The following ZNF37A variants were observed in gnomAD, a reference collection of about 807,000 sequenced individuals.
ZNF37A encodes the protein zinc finger protein 37A, also known as zinc finger protein 37a (KOX 21).
In ZNF37A, 10 loss-of-function variants were observed where a neutral mutation model predicts 12.3. The ratio of observed to expected loss-of-function variants is 0.82; its 90% CI spans 0.50 to 1.38. The LOEUF (loss-of-function observed/expected upper bound fraction) is 1.38. ZNF37A is among the 40% of genes most tolerant of loss of function. ZNF37A has a pLI of 0.00. For missense variants in ZNF37A, 580 were observed against 651.2 expected (o/e 0.89, Z 1.19); for synonymous variants, 207 against 223.0 (o/e 0.93, Z 0.64).
chr10:38,136,280 A>AT (rs2070106080), intron 7 of ZNF37A, among the ~76,000 whole-genome samples: 1 of 152,112 alleles, frequency 6.6e-6, no homozygotes, highest in Non-Finnish European at 1.5e-5. Flanking sequence ...AGTAGCTGGG[A>AT]TTATAGGCAC....
chr10:38,125,923 G>A (rs1339179816), downstream of ZNF37A, among the ~76,000 whole-genome samples: 2 of 152,140 alleles, frequency 1.3e-5, no homozygotes, highest in Non-Finnish European at 2.9e-5. Flanking sequence ...CATAGCAGAA[G>A]GCAAAACAGG....
In ZNF37A at chr10:38,117,621, A is replaced by G; in HGVS notation, c.470A>G (p.Glu157Gly). 2 of 1,613,902 alleles carry G rather than the reference A, an allele frequency of 1.2e-6. No homozygotes were observed. Among genetic ancestry groups the G allele is most frequent in the Non-Finnish European group, 1.7e-6 (2 of 1,179,948 alleles). ...AATGAATGTGGGAAAGCTTTCCCTG[A>G]GAATTCACTCTTCCTTGTACATAAG... ...EYNECGKAFP[E>G]NSLFLVHKRG... Residue 157 changes from glutamate (E) to glycine (G), a missense_variant, in exon 8 of 8, where the codon GAG becomes GGG. Coordinates refer to ENST00000685332, the MANE Select transcript of ZNF37A (RefSeq NM_001324250.3).
chr10:38,115,013 T>A, intron 6 of ZNF37A, 132 bp downstream of exon 6: 2 of 1,328,608 alleles, frequency 1.5e-6, no homozygotes, highest in Non-Finnish European at 2.1e-6. Context: ...AATTTATCCC[T>A]TTTGGATACC....
downstream of ZNF37A, among the ~76,000 whole-genome samples, chr10:38,127,652 C>T (rs2069948114): frequency 6.6e-6 from 1 of 152,162 alleles, no homozygotes; most frequent in African/African-American, 2.4e-5. Flanking sequence ...CTCTGGTTCT[C>T]CACTCATTTC....
chr10:38,112,927 C>T (rs898650894), intron 5 of ZNF37A, among the ~76,000 whole-genome samples: 4 of 152,050 alleles, frequency 2.6e-5, no homozygotes, highest in Non-Finnish European at 5.9e-5. Flanking sequence ...CCTGTCTCAG[C>T]CTCCCGAGTA....
intron 5 of ZNF37A, among the ~76,000 whole-genome samples, chr10:38,099,686 A>G (rs2067407735): frequency 6.6e-6 from 1 of 152,212 alleles, no homozygotes; most frequent in African/African-American, 2.4e-5. Flanking sequence ...TTCTTGAGGA[A>G]ACACCAACCT....
At chr10:38,096,214 C>T (rs1437430143) in intron 4 of ZNF37A, among the ~76,000 whole-genome samples, 3 of 152,136 alleles carry the variant, frequency 2.0e-5, no homozygotes, top group Admixed American at 6.6e-5. Flanking sequence ...AATACCACAT[C>T]GCTTTTTTCA....
chr10:38,140,383 ACTAGG>A (rs1383786395), intron 7 of ZNF37A: 1 of 152,238 alleles, frequency 6.6e-6, no homozygotes, highest in Non-Finnish European at 1.5e-5. Flanking sequence ...TTTCATTTAC[ACTAGG>A]CTAGAGAAAA....
intron 7 of ZNF37A, chr10:38,142,090 AG>A (rs2070191843): frequency 6.6e-6 from 1 of 152,202 alleles, no homozygotes; most frequent in Non-Finnish European, 1.5e-5. Context: ...AGCCTGGGTG[AG>A]AGAAAAATAA....
chr10:38,135,116 G>A (rs2070090580), intron 7 of ZNF37A, among the ~76,000 whole-genome samples: 1 of 152,246 alleles, frequency 6.6e-6, no homozygotes, highest in East Asian at 1.9e-4. Flanking sequence ...GCTGGGTGCA[G>A]TGGCTCATGC....
chr10:38,115,012 C>CT lies in ZNF37A; in HGVS notation c.142+135dup, dbSNP rs1235582298. On this transcript the variant is annotated intron_variant, in intron 6 of 7. Transcript: ENST00000685332. ...TTCAGAGGTCAAGGACAATTTATCCCTTTTGGATACCAGAAAGAATGTTTT... is the reference window on the plus strand; with the variant it reads ...TTCAGAGGTCAAGGACAATTTATCCCTTTTTGGATACCAGAAAGAATGTTTT... 2.3e-6 allele frequency: 3 copies of CT among 1,327,452 alleles called. No homozygotes were observed. The East Asian group carries it at 7.2e-5, about 32-fold the overall frequency. 82.2% of individuals were successfully genotyped at this position (1,327,452 alleles called of 1,614,324 possible). A position where few individuals can be genotyped will look rare whatever the true frequency, so the allele number is the denominator to read the frequency against.
intron 5 of ZNF37A, among the ~76,000 whole-genome samples, chr10:38,100,862 G>A (rs1212887357): frequency 2.6e-5 from 4 of 152,146 alleles, no homozygotes; most frequent in African/African-American, 4.8e-5. Flanking sequence ...AGAGATTGCA[G>A]TAAAGACAGG....
intron 7 of ZNF37A, among the ~76,000 whole-genome samples, chr10:38,136,360 G>A (rs1167371835): frequency 1.3e-5 from 2 of 152,046 alleles, no homozygotes; most frequent in Non-Finnish European, 2.9e-5. Context: ...CACCATGTTG[G>A]CCACACTGGT....
intron 7 of ZNF37A, chr10:38,142,861 A>T (rs1023870477): frequency 3.9e-5 from 6 of 152,212 alleles, no homozygotes; most frequent in African/African-American, 9.6e-5. Flanking sequence ...CATAATTTAC[A>T]TGCATGAAGA....
chr10:38,114,265 C>T (rs1198451496), intron 5 of ZNF37A, among the ~76,000 whole-genome samples: 2 of 152,078 alleles, frequency 1.3e-5, no homozygotes, highest in East Asian at 3.9e-4. Flanking sequence ...GGTTTTTAAC[C>T]TTTTGTTAAG....
chr10:38,117,802 A>G lies in ZNF37A; in HGVS notation c.651A>G (p.Glu217=), dbSNP rs148389721. The G allele has an allele frequency of 4.3e-3, 7,018 of 1,614,034 alleles. 60 individuals carry two copies. Among genetic ancestry groups the G allele is most frequent in the Non-Finnish European group, 3.5e-3 (4,135 of 1,179,992 alleles). The part of the protein sequence containing the change: ...ENIFEESILL[E]HQSVYPFSQK... ...TCTTTGAGGAATCCATTCTCCTTGA[A>G]CATCAGAGTGTTTACCCATTCAGCC... The change falls in exon 8 of 8, where the codon GAA becomes GAG. Residue 217 remains glutamate, a synonymous_variant. Coordinates refer to ENST00000685332, the MANE Select transcript of ZNF37A (RefSeq NM_001324250.3).
chr10:38,103,793 T>G (rs2067793672), intron 5 of ZNF37A, among the ~76,000 whole-genome samples: 1 of 152,218 alleles, frequency 6.6e-6, no homozygotes, highest in Non-Finnish European at 1.5e-5. Flanking sequence ...AAACCTCTGT[T>G]CTATTAGTTT....
At position 38,121,700 on chromosome 10, in the gene ZNF37A, T is replaced by C. The variant is rs2069706332; in HGVS notation, c.*2863T>C. On this transcript the variant is annotated 3_prime_UTR_variant, in exon 8 of 8. Coordinates refer to ENST00000685332, the MANE Select transcript of ZNF37A (RefSeq NM_001324250.3). ...CTGGAGTGTGGCATTAGAATAGAAC[T>C]CATATCTTTTAAATATATAGGAACA... 1 of 152,164 alleles carries C rather than the reference T, an allele frequency of 6.6e-6. No individual in the cohort carries two copies. The highest frequency in any genetic ancestry group is 6.5e-5 in the Admixed American group (1 of 15,284). 9.4% of individuals were successfully genotyped at this position (152,164 alleles called of 1,614,324 possible).
intron 5 of ZNF37A, among the ~76,000 whole-genome samples, chr10:38,109,142 A>C (rs1460069579): frequency 1.3e-5 from 2 of 152,212 alleles, no homozygotes; most frequent in South Asian, 4.1e-4. Flanking sequence ...ACCATGCTCA[A>C]GTCAGCTTCA....
Sources: gnomAD v4.1 joint callset for allele counts (sites outside exome capture counted in the v4.1 genomes callset) on GRCh38, gnomAD v4.1.1 for gene constraint, MANE v1.5 for transcripts, NCBI Gene and HGNC (gene_info 2026-07-23, HGNC 2026-07-21) for gene names.